The following FAM32A variants were observed in gnomAD, a reference collection of about 807,000 sequenced individuals.
The protein encoded by FAM32A is protein FAM32A.
Under a neutral mutation model 15.8 loss-of-function variants are expected in FAM32A, and 9 were observed. That is an observed-to-expected ratio of 0.57 (90% CI 0.34 to 1.00). The LOEUF is 1.00. Among genes scored for constraint, FAM32A ranks in the 50% least tolerant of loss-of-function variants. FAM32A has a pLI of 0.02. For synonymous variants in FAM32A, 64 were observed against 54.9 expected, an observed-to-expected ratio of 1.16 and a Z score of -0.73; for missense variants, 113 against 138.3, an observed-to-expected ratio of 0.82 and a Z score of 0.92.
Position 16,185,472 on chromosome 19 carries a change from A to G in FAM32A, c.30A>G (p.Gly10=), listed in dbSNP as rs1009736934. ...AGGCCTACGAGCAGGTCCAAAAGGG[A>G]CCCCTGAAGCTGAAAGGCGTCGCAG... MEAYEQVQK[G]PLKLKGVAEL... Residue 10 remains glycine, a synonymous_variant, in exon 1 of 4, where the codon GGA becomes GGG. Transcript: ENST00000263384. The G allele has an allele frequency of 6.4e-7, 1 of 1,562,210 alleles. No individual in the cohort carries two copies. The highest frequency in any genetic ancestry group is 8.7e-7 in the Non-Finnish European group (1 of 1,152,922).
In FAM32A at chr19:16,191,779, CAGG is replaced by C. The variant is rs2091408328; in HGVS notation, c.*825_*827del. 1 of 152,274 alleles carries C rather than the reference CAGG, an allele frequency of 6.6e-6. No individual in the cohort carries two copies. The highest frequency in any genetic ancestry group is 6.5e-5 in the Admixed American group (1 of 15,280). 9.4% of individuals were successfully genotyped at this position (152,274 alleles called of 1,614,324 possible). A position where few individuals can be genotyped will look rare whatever the true frequency, so the allele number is the denominator to read the frequency against. On this transcript the variant is annotated 3_prime_UTR_variant, in exon 4 of 4. Transcript: ENST00000263384. ...TGGCATTCCTACCTTACGGACGTCTCAGGGGTGACAGGACCAGGGCAGAGCCCC... is the reference window on the plus strand; with the variant it reads ...TGGCATTCCTACCTTACGGACGTCTCGGTGACAGGACCAGGGCAGAGCCCC...
chr19:16,185,837 C>T (rs2091383777), intron 2 of FAM32A, 72 bp downstream of exon 2: 23 of 1,487,514 alleles, frequency 1.5e-5, no homozygotes, highest in Non-Finnish European at 1.9e-5. Flanking sequence ...GGGGTCAGGG[C>T]TGGGACGCTC....
Position 16,190,555 on chromosome 19 carries a change from C to T in FAM32A, c.252C>T (p.Thr84=). ...MERILKKASK[T]HKQRVEDFNR... ...GGATCCTAAAGAAGGCATCCAAAAC[C>T]CACAAGCAGAGAGTGGAGGTGAGTC... The change falls in exon 3 of 4, where the codon ACC becomes ACT. Residue 84 remains threonine (T), a synonymous_variant. Coordinates refer to ENST00000263384, the MANE Select transcript of FAM32A (RefSeq NM_014077.4). 6.2e-7 allele frequency: 1 copy of T among 1,613,416 alleles called. No individual in the cohort carries two copies. The highest frequency in any genetic ancestry group is 8.5e-7 in the Non-Finnish European group (1 of 1,179,596).
Position 16,189,668 on chromosome 19 carries a change from C to CTTTTTTTTTT in FAM32A, c.217-835_217-826dup, listed in dbSNP as rs71178652. Among the ~76,000 whole-genome samples, 13 of 58,554 alleles carry CTTTTTTTTTT rather than the reference C, an allele frequency of 2.2e-4. 1 individual carries two copies. The highest frequency in any genetic ancestry group is 3.7e-4 in the Non-Finnish European group (12 of 32,434). The allele number at this position is 58,554 out of a possible 152,430, so 38.4% of individuals were successfully genotyped here. A position where few individuals can be genotyped will look rare whatever the true frequency, so the allele number is the denominator to read the frequency against. ...TGGCTTTATATCCCACACTCCAACT[C>CTTTTTTTTTT]TTTTTTTTTTTTTTTTTTTTTTTTT... On this transcript the variant is annotated intron_variant, in intron 2 of 3. Transcript: ENST00000263384.
rs199653947 is a variant in FAM32A at position 16,185,687 on chromosome 19, G to C, written c.138G>C (p.Lys46Asn). The change falls in exon 2 of 4, where the codon AAG becomes AAC. Residue 46 changes from lysine (K) to asparagine (N), a missense_variant. Coordinates refer to ENST00000263384, the MANE Select transcript of FAM32A (RefSeq NM_014077.4). ...KLLEAMGTSKKNEEEKRRGLD... is the reference protein window; with the variant it reads ...KLLEAMGTSKNNEEEKRRGLD... ...TGGAAGCAATGGGAACGAGCAAAAA[G>C]AACGAGGAGGAGAAGCGGCGCGGCC... 19 of 1,578,008 alleles carry C rather than the reference G, an allele frequency of 1.2e-5. No individual in the cohort carries two copies. The highest frequency in any genetic ancestry group is 1.6e-5 in the Non-Finnish European group (19 of 1,160,650).
chr19:16,187,350 T>C (rs1200342384), intron 2 of FAM32A: 1 of 151,570 alleles, frequency 6.6e-6, no homozygotes, highest in Non-Finnish European at 1.5e-5. Flanking sequence ...TCCCAGCTAC[T>C]TGGGAGGCTG....
At chr19:16,189,749 T>TCAC (rs2145099514) in intron 2 of FAM32A, among the ~76,000 whole-genome samples, 1 of 141,956 alleles carries the variant, frequency 7.0e-6, no homozygotes, top group East Asian at 2.2e-4. Flanking sequence ...TGATCATAGC[T>TCAC]CACTGCAGCC....
In FAM32A at chr19:16,190,400, C is replaced by T. The variant is rs1320744472; in HGVS notation, c.217-120C>T. ...GAGGGAGGGGGACAAGGCACAGAGCCTGAAACCTCCAGCTGTTCTAAATGT... is the reference window on the plus strand; with the variant it reads ...GAGGGAGGGGGACAAGGCACAGAGCTTGAAACCTCCAGCTGTTCTAAATGT... On this transcript the variant is annotated intron_variant, in intron 2 of 3. Coordinates refer to ENST00000263384, the MANE Select transcript of FAM32A (RefSeq NM_014077.4). 4 of 676,236 alleles carry T rather than the reference C, an allele frequency of 5.9e-6. No individual in the cohort carries two copies. The East Asian group carries it at 8.9e-5, about 15-fold the overall frequency. The allele number at this position is 676,236 out of a possible 1,614,324, so 41.9% of individuals were successfully genotyped here.
intron 2 of FAM32A, among the ~76,000 whole-genome samples, chr19:16,188,350 G>A (rs2091393584): frequency 6.6e-6 from 1 of 152,194 alleles, no homozygotes; most frequent in South Asian, 2.1e-4. Flanking sequence ...CTGTTTACTG[G>A]GGTGGGAAGG....
Position 16,191,656 on chromosome 19 carries a change from A to T in FAM32A, c.*701A>T, listed in dbSNP as rs1424340025. 1 of 152,492 alleles carries T rather than the reference A, an allele frequency of 6.6e-6. No homozygotes were observed. Among genetic ancestry groups the T allele is most frequent in the Non-Finnish European group, 1.5e-5 (1 of 68,242 alleles). The allele number at this position is 152,492 out of a possible 1,614,324, so 9.4% of individuals were successfully genotyped here. A position where few individuals can be genotyped will look rare whatever the true frequency, so the allele number is the denominator to read the frequency against. On this transcript the variant is annotated 3_prime_UTR_variant, in exon 4 of 4. Coordinates refer to ENST00000263384, the MANE Select transcript of FAM32A (RefSeq NM_014077.4). ...TGCTAATGCATCACAGCATTCTTTG[A>T]AATGGAACCAGACACAGCCTGCCTC...
At position 16,191,150 on chromosome 19, in the gene FAM32A, G is replaced by C. The variant is rs1568343930; in HGVS notation, c.*195G>C. ...AAGATCGTCCTTGTACTCAGTTTAG[G>C]CTTCTTGGCAACATACAGAAGATAC... On this transcript the variant is annotated 3_prime_UTR_variant, in exon 4 of 4. Coordinates refer to ENST00000263384, the MANE Select transcript of FAM32A (RefSeq NM_014077.4). 1.0e-5 allele frequency: 6 copies of C among 593,930 alleles called. No individual in the cohort carries two copies. The highest frequency in any genetic ancestry group is 1.8e-5 in the Non-Finnish European group (6 of 329,050). 36.8% of individuals were successfully genotyped at this position (593,930 alleles called of 1,614,324 possible).
chr19:16,185,894 A>G, intron 2 of FAM32A, 129 bp downstream of exon 2: 5 of 1,077,806 alleles, frequency 4.6e-6, no homozygotes, highest in Non-Finnish European at 5.2e-6. Flanking sequence ...CGGGGAGAGG[A>G]TGCTGTACGT....
At chr19:16,188,306 G>T (rs2091393409) in intron 2 of FAM32A, among the ~76,000 whole-genome samples, 1 of 152,212 alleles carries the variant, frequency 6.6e-6, no homozygotes, top group Non-Finnish European at 1.5e-5. Context: ...GGATGACCAA[G>T]ACTTTGGGCT....
chr19:16,189,291 G>A (rs892944592), intron 2 of FAM32A: 5 of 152,228 alleles, frequency 3.3e-5, no homozygotes, highest in African/African-American at 1.2e-4. Flanking sequence ...CCAAAGTGCT[G>A]AGATTACAGA....
Position 16,191,965 on chromosome 19 carries a change from A to G in FAM32A, c.*1010A>G, listed in dbSNP as rs1160368193. ...TGACGTAGATATTGAAAGAATAATG[A>G]AGGCAGAAGAGAAAAACGAAGTGTG... On this transcript the variant is annotated 3_prime_UTR_variant, in exon 4 of 4. Coordinates refer to ENST00000263384, the MANE Select transcript of FAM32A (RefSeq NM_014077.4). 1 of 152,234 alleles carries G rather than the reference A, an allele frequency of 6.6e-6. No individual in the cohort carries two copies. The highest frequency in any genetic ancestry group is 1.5e-5 in the Non-Finnish European group (1 of 68,052). The allele number at this position is 152,234 out of a possible 1,614,324, so 9.4% of individuals were successfully genotyped here.
Position 16,190,529 on chromosome 19 carries a change from A to G in FAM32A, c.226A>G (p.Arg76Gly). ...TCTCTTCTCTCTCCAGCAAATGGAA[A>G]GGATCCTAAAGAAGGCATCCAAAAC... ...EKMQEKRQMERILKKASKTHK... is the reference protein window; with the variant it reads ...EKMQEKRQMEGILKKASKTHK... Residue 76 changes from arginine to glycine, a missense_variant, in exon 3 of 4, where the codon AGG (arginine) becomes GGG (glycine). By Grantham distance (125) the Arg-to-Gly change is moderately radical. Coordinates refer to ENST00000263384, the MANE Select transcript of FAM32A (RefSeq NM_014077.4). 6.2e-7 allele frequency: 1 copy of G among 1,611,844 alleles called. No homozygotes were observed. The highest frequency in any genetic ancestry group is 1.3e-5 in the African/African-American group (1 of 75,004).
intron 3 of FAM32A, 64 bp from the exon 4 acceptor site, chr19:16,190,823 C>T (rs1208428287): frequency 1.5e-6 from 2 of 1,355,946 alleles, no homozygotes; most frequent in Non-Finnish European, 2.1e-6. Flanking sequence ...CTGGGCAGTG[C>T]CACTTCTCCC....
chr19:16,192,017 ACACAATAAAG>A lies in FAM32A; in HGVS notation c.*1065_*1074del, dbSNP rs958556292. ...AATTTGGGGTTGTCCTGTGTAAATT[ACACAATAAAG>A]CAAAAGTCAGTTATTGTAAGTCTGA... On this transcript the variant is annotated 3_prime_UTR_variant, in exon 4 of 4. Transcript: ENST00000263384. The A allele has an allele frequency of 6.6e-6, 1 of 152,218 alleles. No individual in the cohort carries two copies. Among genetic ancestry groups the A allele is most frequent in the African/African-American group, 2.4e-5 (1 of 41,456 alleles). 9.4% of individuals were successfully genotyped at this position (152,218 alleles called of 1,614,324 possible).
chr19:16,185,847 C>T (rs1423416074), intron 2 of FAM32A, 82 bp downstream of exon 2: 4 of 1,459,556 alleles, frequency 2.7e-6, no homozygotes, highest in African/African-American at 2.9e-5. Flanking sequence ...CTGGGACGCT[C>T]CGAGGGCAGG....
Sources: allele counts gnomAD v4.1 joint callset (sites outside exome capture counted in the v4.1 genomes callset), GRCh38; gene constraint gnomAD v4.1.1; transcripts MANE v1.5; gene names NCBI Gene and HGNC (gene_info 2026-07-23, HGNC 2026-07-21).